The following PSMA8 variants were observed in gnomAD, a reference collection of about 807,000 sequenced individuals.
PSMA8 encodes the protein proteasome subunit alpha-type 8.
Under a neutral mutation model 32.4 loss-of-function variants are expected in PSMA8, and 18 were observed. The observed-to-expected ratio is 0.56, with a 90% CI of 0.38 to 0.82. The LOEUF (loss-of-function observed/expected upper bound fraction) is 0.82, where lower values mean the gene tolerates loss of function less well. Ranked by LOEUF, PSMA8 falls within the 40% of genes least tolerant of loss-of-function variation. PSMA8 has a pLI of 0.00. For missense variants in PSMA8, 298 were observed against 300.7 expected, an observed-to-expected ratio of 0.99 and a Z score of 0.07; for synonymous variants, 104 against 98.1, an observed-to-expected ratio of 1.06 and a Z score of -0.36.
intron 1 of PSMA8, 114 bp downstream of exon 1, chr18:26,134,181 A>T: frequency 1.4e-6 from 1 of 695,918 alleles, no homozygotes; most frequent in Non-Finnish European, 2.5e-6. Flanking sequence ...AGATTCCCAC[A>T]CTTGTGAAAA....
At position 26,185,527 on chromosome 18, in the gene PSMA8, C is replaced by T. The variant is rs946318116; in HGVS notation, c.660+6397C>T. Among the ~76,000 whole-genome samples, 3 of 150,836 alleles carry T rather than the reference C, an allele frequency of 2.0e-5. No individual in the cohort carries two copies. In the South Asian group the frequency reaches 6.3e-4, roughly 31 times the overall value. On this transcript the variant is annotated intron_variant, in intron 6 of 6. Transcript: ENST00000415576. Reference sequence around the variant, plus strand: ...TATAGGAGAGGGAGAACTTCCCTAACTCTGGAATGTAAGTCCTTCCCTTCA... The same window carrying T: ...TATAGGAGAGGGAGAACTTCCCTAATTCTGGAATGTAAGTCCTTCCCTTCA...
chr18:26,189,874 C>G (rs1238803819), intron 6 of PSMA8, among the ~76,000 whole-genome samples: 1 of 152,126 alleles, frequency 6.6e-6, no homozygotes, highest in Non-Finnish European at 1.5e-5. Flanking sequence ...TTCACAATAG[C>G]CAAGATTTGG....
At chr18:26,166,533 C>T (rs947192408) in intron 4 of PSMA8, among the ~76,000 whole-genome samples, 3 of 152,144 alleles carry the variant, frequency 2.0e-5, no homozygotes, top group African/African-American at 7.2e-5. Context: ...AATCTTGACT[C>T]AGGTATACAT....
intron 6 of PSMA8, among the ~76,000 whole-genome samples, chr18:26,183,498 G>A (rs1037070937): frequency 6.6e-6 from 1 of 150,858 alleles, no homozygotes; most frequent in African/African-American, 2.4e-5. Flanking sequence ...AGACTTTAGT[G>A]GAGGAAGTCA....
intron 6 of PSMA8, among the ~76,000 whole-genome samples, chr18:26,191,943 A>G (rs1332246111): frequency 2.0e-5 from 3 of 152,274 alleles, no homozygotes; most frequent in Non-Finnish European, 4.4e-5. Context: ...TCAAATTATT[A>G]AACCCTATCA....
At chr18:26,139,676 G>A (rs938255392) in intron 1 of PSMA8, among the ~76,000 whole-genome samples, 10 of 152,140 alleles carry the variant, frequency 6.6e-5, no homozygotes, top group South Asian at 4.1e-4. Context: ...AGACTAAGCC[G>A]AGGATAGTCT....
intron 3 of PSMA8, 121 bp from the exon 4 acceptor site, chr18:26,158,001 T>C (rs2055104001): frequency 3.0e-6 from 2 of 675,334 alleles, no homozygotes; most frequent in Non-Finnish European, 4.8e-6. Flanking sequence ...AGGAAAAAGA[T>C]CATTAATATA....
At chr18:26,183,390 T>C (rs938477388) in intron 6 of PSMA8, among the ~76,000 whole-genome samples, 6 of 142,066 alleles carry the variant, frequency 4.2e-5, no homozygotes, top group African/African-American at 1.6e-4. Flanking sequence ...AGACTCCGTC[T>C]AAAAAAAAAA....
At chr18:26,149,175 C>A (rs2055026223) in intron 2 of PSMA8, among the ~76,000 whole-genome samples, 1 of 151,908 alleles carries the variant, frequency 6.6e-6, no homozygotes, top group Non-Finnish European at 1.5e-5. Flanking sequence ...AATGAACCGT[C>A]AGGAAAGGAA....
chr18:26,183,118 G>A lies in PSMA8; in HGVS notation c.660+3988G>A, dbSNP rs889233391. On this transcript the variant is annotated intron_variant, in intron 6 of 6. Coordinates refer to ENST00000415576, the MANE Select transcript of PSMA8 (RefSeq NM_001025096.2). ...AAAAAAACAAACAAAAAGGCCGGGC[G>A]TGGTGGCTCATGCTTGTAATCCCAG... Among the ~76,000 whole-genome samples the A allele has an allele frequency of 3.4e-5, 5 of 145,920 alleles. 1 individual carries two copies. The highest frequency in any genetic ancestry group is 2.1e-4 in the East Asian group (1 of 4,720).
At chr18:26,156,268 T>G (rs979983784) in intron 3 of PSMA8, among the ~76,000 whole-genome samples, 4 of 152,122 alleles carry the variant, frequency 2.6e-5, no homozygotes, top group Non-Finnish European at 5.9e-5. Context: ...ATTATAGAAG[T>G]AGAACTATCC....
chr18:26,156,347 T>C (rs2055088857), intron 3 of PSMA8, among the ~76,000 whole-genome samples: 1 of 152,200 alleles, frequency 6.6e-6, no homozygotes, highest in Admixed American at 6.5e-5. Context: ...ATCCAAGAGA[T>C]GTATGCACCC....
intron 6 of PSMA8, among the ~76,000 whole-genome samples, chr18:26,187,426 A>T (rs2055364893): frequency 6.6e-6 from 1 of 152,134 alleles, no homozygotes; most frequent in South Asian, 2.1e-4. Flanking sequence ...ATAAGTTCTT[A>T]CTTATCAATA....
At chr18:26,137,002 T>C (rs562620477) in intron 1 of PSMA8, among the ~76,000 whole-genome samples, 1 of 152,340 alleles carries the variant, frequency 6.6e-6, no homozygotes, top group Admixed American at 6.5e-5. Flanking sequence ...TTTTTTCTAG[T>C]TCTAAAGCCC....
intron 4 of PSMA8, among the ~76,000 whole-genome samples, chr18:26,161,995 C>T (rs1436311233): frequency 1.3e-5 from 2 of 151,852 alleles, no homozygotes; most frequent in Non-Finnish European, 2.9e-5. Context: ...AGATTTTTTT[C>T]TTTATACATT....
chr18:26,152,708 A>G (rs2055056685), intron 3 of PSMA8, among the ~76,000 whole-genome samples: 1 of 152,194 alleles, frequency 6.6e-6, no homozygotes, highest in African/African-American at 2.4e-5. Context: ...CCCTGATGTC[A>G]CAGTGTTGAG....
chr18:26,134,359 G>C (rs1361957687), intron 1 of PSMA8, among the ~76,000 whole-genome samples: 4 of 133,950 alleles, frequency 3.0e-5, no homozygotes, highest in Non-Finnish European at 6.0e-5. Context: ...GTGTGTGTGT[G>C]TGTGTCTCTG....
chr18:26,183,486 C>T (rs1329842219), intron 6 of PSMA8, among the ~76,000 whole-genome samples: 1 of 150,552 alleles, frequency 6.6e-6, no homozygotes, highest in Non-Finnish European at 1.5e-5. Flanking sequence ...TTCAGGAGTT[C>T]AAGACTTTAG....
intron 6 of PSMA8, among the ~76,000 whole-genome samples, chr18:26,190,276 T>G (rs1238032694): frequency 6.6e-6 from 1 of 152,168 alleles, no homozygotes; most frequent in Non-Finnish European, 1.5e-5. Context: ...CATTTTAAGA[T>G]AACTAAAAGA....
Sources: allele counts gnomAD v4.1 joint callset (sites outside exome capture counted in the v4.1 genomes callset), GRCh38; gene constraint gnomAD v4.1.1; transcripts MANE v1.5; gene names NCBI Gene and HGNC (gene_info 2026-07-23, HGNC 2026-07-21).